The following NOL12 variants were observed in gnomAD, a reference collection of about 807,000 sequenced individuals.
NOL12 encodes nucleolar protein 12.
Under a neutral mutation model 25.2 loss-of-function variants are expected in NOL12, and 21 were observed. The ratio of observed to expected loss-of-function variants is 0.83; its 90% CI spans 0.59 to 1.20. The LOEUF is 1.20. NOL12 is among the 50% of genes most tolerant of loss of function. The pLI is 0.00. For synonymous variants in NOL12, 133 were observed against 113.8 expected (o/e 1.17, Z -1.08); for missense variants, 286 against 287.6 (o/e 0.99, Z 0.04).
chr22:37,686,545 G>C (rs1921823002), intron 1 of NOL12, 70 bp downstream of exon 1: 1 of 1,451,566 alleles, frequency 6.9e-7, no homozygotes, highest in African/African-American at 1.5e-5. Context: ...CTGGGGCCGA[G>C]CACGCTCCCG....
At chr22:37,690,390 T>C (rs923272819) in intron 4 of NOL12, among the ~76,000 whole-genome samples, 2 of 152,236 alleles carry the variant, frequency 1.3e-5, no homozygotes, top group African/African-American at 2.4e-5. Flanking sequence ...TTATGCTCAC[T>C]ATTCTGCAAG....
intron 3 of NOL12, 114 bp from the exon 4 acceptor site, chr22:37,688,736 G>A: frequency 9.5e-7 from 1 of 1,057,382 alleles, no homozygotes. Context: ...TGACCTTGTG[G>A]ATGCGCTCCA....
rs1922149310 is a variant in NOL12, at chr22:37,693,259, T to A, written c.*1923T>A. Reference sequence around the variant, plus strand: ...TGTAAGGTGACACCAGATACCTACCTCTTAGGGCTGCCCCGAGACTAAAAT... The same window carrying A: ...TGTAAGGTGACACCAGATACCTACCACTTAGGGCTGCCCCGAGACTAAAAT... On this transcript the variant is annotated 3_prime_UTR_variant, in exon 6 of 6. Coordinates refer to ENST00000359114, the MANE Select transcript of NOL12 (RefSeq NM_024313.3). 1 of 152,418 alleles carries A rather than the reference T, an allele frequency of 6.6e-6. No homozygotes were observed. The highest frequency in any genetic ancestry group is 1.5e-5 in the Non-Finnish European group (1 of 68,130). The allele number at this position is 152,418 out of a possible 1,614,324, so 9.4% of individuals were successfully genotyped here. A position where few individuals can be genotyped will look rare whatever the true frequency, so the allele number is the denominator to read the frequency against.
chr22:37,691,022 G>A (rs1922043244), intron 5 of NOL12, 152 bp from the exon 6 acceptor site: 1 of 903,936 alleles, frequency 1.1e-6, no homozygotes, highest in East Asian at 2.5e-5. Flanking sequence ...GAGCTGAGTT[G>A]CTGGCAGGCA....
rs1921819590 is a variant in NOL12, at chr22:37,686,481, TG to T, written c.83+8del. On this transcript the variant is annotated splice_region_variant and intron_variant, in intron 1 of 5. Transcript: ENST00000359114. ...TTCGACGAGGAGAAGAGGCGGTGAG[TG>T]GCAAAGCCGGACCGGACTCCCCTCG... is the stretch of plus-strand genomic sequence containing the variant. 6.3e-7 allele frequency: 1 copy of T among 1,592,532 alleles called. No homozygotes were observed. Among genetic ancestry groups the T allele is most frequent in the African/African-American group, 1.4e-5 (1 of 73,790 alleles).
chr22:37,692,247 C>T lies in NOL12; in HGVS notation c.*911C>T. The T allele has an allele frequency of 2.9e-6, 1 of 345,890 alleles. No homozygotes were observed. The highest frequency in any genetic ancestry group is 4.3e-5 in the East Asian group (1 of 23,414). The allele number at this position is 345,890 out of a possible 1,614,324, so 21.4% of individuals were successfully genotyped here. A position where few individuals can be genotyped will look rare whatever the true frequency, so the allele number is the denominator to read the frequency against. ...TGGCACACGCGTGTAATCCCAGCTA[C>T]TTGGGAGGCTGAGGTGGAAGAATCA... On this transcript the variant is annotated 3_prime_UTR_variant, in exon 6 of 6. Coordinates refer to ENST00000359114, the MANE Select transcript of NOL12 (RefSeq NM_024313.3).
chr22:37,688,790 A>T (rs1419394107), intron 3 of NOL12, 60 bp from the exon 4 acceptor site: 6 of 1,594,254 alleles, frequency 3.8e-6, no homozygotes, highest in Non-Finnish European at 5.2e-6. Flanking sequence ...GGCGGGAGGG[A>T]GGCTGGAGCC....
intron 1 of NOL12, chr22:37,686,713 C>G (rs1430139726): frequency 1.0e-6 from 1 of 985,340 alleles, no homozygotes; most frequent in Non-Finnish European, 1.2e-6. Flanking sequence ...GCCGGAAGCT[C>G]GGGTCTCAGA....
In NOL12 at chr22:37,691,227, G is replaced by A. The variant is rs1348326957; in HGVS notation, c.533G>A (p.Arg178Lys). Residue 178 changes from arginine (R) to lysine (K), a missense_variant, in exon 6 of 6, where the codon AGG becomes AAG. Coordinates refer to ENST00000359114, the MANE Select transcript of NOL12 (RefSeq NM_024313.3). Reference protein sequence around the residue: ...LHAHSRKKVKRKHPRRAQDSK... With the variant: ...LHAHSRKKVKKKHPRRAQDSK... ...GCACACAGCCGCAAAAAGGTCAAGA[G>A]GAAACATCCCCGACGGGCCCAGGAC... The A allele has an allele frequency of 1.2e-6, 2 of 1,614,064 alleles. No individual in the cohort carries two copies. The highest frequency in any genetic ancestry group is 2.2e-5 in the East Asian group (1 of 44,882).
intron 4 of NOL12, among the ~76,000 whole-genome samples, chr22:37,690,342 A>C (rs1051399654): frequency 6.6e-6 from 1 of 152,202 alleles, no homozygotes; most frequent in African/African-American, 2.4e-5. Flanking sequence ...AAAACAAAAC[A>C]AAACAAAACC....
chr22:37,691,552 G>C lies in NOL12; in HGVS notation c.*216G>C, dbSNP rs929947307. On this transcript the variant is annotated 3_prime_UTR_variant, in exon 6 of 6. Transcript: ENST00000359114. ...CGAAGGAGCAGGCAGCTGAGAGCAG[G>C]CCTCCCCCAGGAAGAGCCTTCAGAG... is the stretch of plus-strand genomic sequence containing the variant. The C allele has an allele frequency of 7.4e-6, 4 of 543,028 alleles. No individual in the cohort carries two copies. The highest frequency in any genetic ancestry group is 1.2e-5 in the Non-Finnish European group (4 of 328,412). The allele number at this position is 543,028 out of a possible 1,614,324, so 33.6% of individuals were successfully genotyped here. A position where few individuals can be genotyped will look rare whatever the true frequency, so the allele number is the denominator to read the frequency against.
At position 37,692,385 on chromosome 22, in the gene NOL12, T is replaced by G. The variant is rs116832987; in HGVS notation, c.*1049T>G. 1,403 of 398,042 alleles carry G rather than the reference T, an allele frequency of 3.5e-3. 21 individuals carry two copies. Among genetic ancestry groups the G allele is most frequent in the African/African-American group, 0.027 (1,324 of 48,730 alleles). The allele number at this position is 398,042 out of a possible 1,614,324, so 24.7% of individuals were successfully genotyped here. A position where few individuals can be genotyped will look rare whatever the true frequency, so the allele number is the denominator to read the frequency against. ...AAAACTAAAAAATAAAGCAGTTGCA[T>G]CTTGACTCGTACAAAAGTAGCCCCC... On this transcript the variant is annotated 3_prime_UTR_variant, in exon 6 of 6. Coordinates refer to ENST00000359114, the MANE Select transcript of NOL12 (RefSeq NM_024313.3).
intron 4 of NOL12, among the ~76,000 whole-genome samples, chr22:37,690,191 A>G (rs2145797755): frequency 6.7e-6 from 1 of 149,658 alleles, no homozygotes; most frequent in African/African-American, 2.5e-5. Context: ...TTAGCCAGGC[A>G]TGGTGGCGTG....
chr22:37,692,417 G>A lies in NOL12; in HGVS notation c.*1081G>A. On this transcript the variant is annotated 3_prime_UTR_variant, in exon 6 of 6. Transcript: ENST00000359114. ...TCGTACAAAAGTAGCCCCCACCAGA[G>A]TAGACCCTGCGGGTGCCAGCTAGAA... 2.5e-6 allele frequency: 1 copy of A among 398,552 alleles called. No individual in the cohort carries two copies. Among genetic ancestry groups the A allele is most frequent in the East Asian group, 3.6e-5 (1 of 28,082 alleles). The allele number at this position is 398,552 out of a possible 1,614,324, so 24.7% of individuals were successfully genotyped here.
At position 37,691,469 on chromosome 22, in the gene NOL12, G is replaced by A. The variant is rs982219304; in HGVS notation, c.*133G>A. ...AGGTTGGGAAGCCAGGACCTCTCTG[G>A]CCTGGGGCCAGCTGCCTTTGCCTGG... On this transcript the variant is annotated 3_prime_UTR_variant, in exon 6 of 6. Transcript: ENST00000359114. 7.6e-6 allele frequency: 8 copies of A among 1,047,466 alleles called. No individual in the cohort carries two copies. In the East Asian group the frequency reaches 2.4e-4, roughly 32 times the overall value. The allele number at this position is 1,047,466 out of a possible 1,614,324, so 64.9% of individuals were successfully genotyped here. A position where few individuals can be genotyped will look rare whatever the true frequency, so the allele number is the denominator to read the frequency against.
rs1183973785 is a variant in NOL12 at position 37,692,898 on chromosome 22, G to T, written c.*1562G>T. 1 of 394,998 alleles carries T rather than the reference G, an allele frequency of 2.5e-6. No homozygotes were observed. The highest frequency in any genetic ancestry group is 4.4e-5 in the Admixed American group (1 of 22,596). 24.5% of individuals were successfully genotyped at this position (394,998 alleles called of 1,614,324 possible). ...CCATCAAAACCCACTGATGAAGGCT[G>T]GTGGGAGTCTGAGGGCTGCACCCGG... is the stretch of plus-strand genomic sequence containing the variant. On this transcript the variant is annotated 3_prime_UTR_variant, in exon 6 of 6. Coordinates refer to ENST00000359114, the MANE Select transcript of NOL12 (RefSeq NM_024313.3).
intron 5 of NOL12, 107 bp downstream of exon 5, chr22:37,690,901 G>T: frequency 1.2e-6 from 1 of 812,182 alleles, no homozygotes. Context: ...GCAGCCCTCT[G>T]CCTGTCCAGT....
chr22:37,686,916 C>A, intron 1 of NOL12: 1 of 985,468 alleles, frequency 1.0e-6, no homozygotes, highest in Non-Finnish European at 1.2e-6. Flanking sequence ...TGAGCCTCAG[C>A]GTCTGGCCAG....
intron 2 of NOL12, 104 bp from the exon 3 acceptor site, chr22:37,688,208 C>A: frequency 7.7e-7 from 1 of 1,290,998 alleles, no homozygotes; most frequent in South Asian, 1.2e-5. Flanking sequence ...CCTGATCTTG[C>A]AGTATGGATC....
Sources: gnomAD v4.1 joint callset for allele counts (sites outside exome capture counted in the v4.1 genomes callset) on GRCh38, gnomAD v4.1.1 for gene constraint, MANE v1.5 for transcripts, NCBI Gene and HGNC (gene_info 2026-07-23, HGNC 2026-07-21) for gene names.